ASTN2: variants seen among roughly 807,000 people sequenced by gnomAD.
ASTN2 encodes the protein astrotactin 2.
Under a neutral mutation model 139.8 loss-of-function variants are expected in ASTN2, and 54 were observed. The ratio of observed to expected loss-of-function variants is 0.39; its 90% CI spans 0.31 to 0.48. ASTN2 has a LOEUF of 0.48. Among genes scored for constraint, ASTN2 ranks in the 20% least tolerant of loss-of-function variants. ASTN2 has a pLI of 0.95. For missense variants in ASTN2, 1,565 were observed against 1,725.1 expected (o/e 0.91, Z 1.64); for synonymous variants, 756 against 719.5 (o/e 1.05, Z -0.81).
intron 10 of ASTN2, among the ~76,000 whole-genome samples, chr9:116,934,328 A>G (rs1835004208): frequency 6.6e-6 from 1 of 152,142 alleles, no homozygotes; most frequent in South Asian, 2.1e-4. Context: ...GAGCAATGCC[A>G]GCTGCAACTA....
Position 117,362,844 on chromosome 9 carries a change from G to A in ASTN2, c.442+51653C>T, listed in dbSNP as rs976439459. Among the ~76,000 whole-genome samples, 12 of 151,962 alleles carry A rather than the reference G, an allele frequency of 7.9e-5. No homozygotes were observed. In the East Asian group the frequency reaches 1.5e-3, roughly 20 times the overall value. On this transcript the variant is annotated intron_variant, in intron 1 of 22. Transcript: ENST00000313400. The stretch of plus-strand genomic sequence containing the variant: ...AAACTCTCACTCTGGCCCCACTCTC[G>A]TGCCACAGTAAAAACCCACACCAGT...
rs1832950163 is a variant in ASTN2 at position 117,233,250 on chromosome 9, C to G, written c.631-18508G>C. On this transcript the variant is annotated intron_variant, in intron 2 of 22. Coordinates refer to ENST00000313400, the MANE Select transcript of ASTN2 (RefSeq NM_001365068.1). The stretch of plus-strand genomic sequence containing the variant: ...CCAAGCGAGCATGTGTTCCTCGCTC[C>G]AAAGCAGGAAATCAAACAAAATTGC... Among the ~76,000 whole-genome samples, 2 of 152,160 alleles carry G rather than the reference C, an allele frequency of 1.3e-5. 1 individual carries two copies. Among genetic ancestry groups the G allele is most frequent in the African/African-American group, 4.8e-5 (2 of 41,426 alleles).
chr9:117,194,867 T>C (rs1328814917), intron 3 of ASTN2, among the ~76,000 whole-genome samples: 1 of 152,162 alleles, frequency 6.6e-6, no homozygotes, highest in South Asian at 2.1e-4. Context: ...GACTTGAAAA[T>C]GCTAAACAAG....
In ASTN2 at chr9:117,214,409, G is replaced by C. The variant is rs1386299430; in HGVS notation, c.964C>G (p.Leu322Val). The C allele has an allele frequency of 3.1e-6, 5 of 1,613,902 alleles. No individual in the cohort carries two copies. Among genetic ancestry groups the C allele is most frequent in the Non-Finnish European group, 4.2e-6 (5 of 1,179,758 alleles). ...TCCCCTGGATGTCCCAGACTGTCCA[G>C]AGTGTGGGTCACCTGGCTGCCAAAC... ...DEFGSQVTHT[L>V]DSLGHPGEEK... The change falls in exon 3 of 23, where the codon CTG becomes GTG. Residue 322 changes from leucine to valine, a missense_variant. By Grantham distance (32) the Leu-to-Val change is conservative. Around this residue, in one of 4 missense-constraint regions of ASTN2, gnomAD observed 596 missense variants for 576.8 expected, o/e 1.03. Transcript: ENST00000313400.
chr9:116,660,671 A>C (rs10983295), intron 16 of ASTN2, among the ~76,000 whole-genome samples: 17,480 of 152,142 alleles, frequency 0.11, 1,476 homozygotes, highest in South Asian at 0.4. Flanking sequence ...AACCTGCCTG[A>C]TGCTTTAACT....
intron 1 of ASTN2, among the ~76,000 whole-genome samples, chr9:117,369,680 G>A (rs1371335006): frequency 6.6e-6 from 1 of 152,120 alleles, no homozygotes; most frequent in Non-Finnish European, 1.5e-5. Context: ...ACCAAGCACA[G>A]TCCCTGGGAC....
At chr9:117,368,027 C>T (rs914217920) in intron 1 of ASTN2, among the ~76,000 whole-genome samples, 4 of 152,022 alleles carry the variant, frequency 2.6e-5, no homozygotes, top group African/African-American at 9.7e-5. Flanking sequence ...AATGCCAATC[C>T]CAGGTCCCAG....
chr9:116,931,252 G>T (rs1212452294), intron 10 of ASTN2, among the ~76,000 whole-genome samples: 1 of 152,062 alleles, frequency 6.6e-6, no homozygotes, highest in Non-Finnish European at 1.5e-5. Flanking sequence ...ATGCTTTCCT[G>T]CCATCGGCCT....
chr9:117,190,053 A>G (rs1341599543), intron 3 of ASTN2, among the ~76,000 whole-genome samples: 2 of 152,166 alleles, frequency 1.3e-5, no homozygotes, highest in East Asian at 3.9e-4. Context: ...TGTGAGTTCC[A>G]ATCTCTCAGG....
intron 19 of ASTN2, among the ~76,000 whole-genome samples, chr9:116,519,837 T>C (rs1454518450): frequency 6.6e-6 from 1 of 151,662 alleles, no homozygotes; most frequent in Non-Finnish European, 1.5e-5. Context: ...ACAACTGATA[T>C]CACAAAAACA....
intron 13 of ASTN2, among the ~76,000 whole-genome samples, chr9:116,801,407 C>T (rs1348028033): frequency 6.6e-6 from 1 of 151,126 alleles, no homozygotes; most frequent in East Asian, 1.9e-4. Flanking sequence ...ACAGCGAAAC[C>T]CCGTCTCTAC....
chr9:117,304,671 G>C (rs1356333819), intron 1 of ASTN2, among the ~76,000 whole-genome samples: 1 of 152,150 alleles, frequency 6.6e-6, no homozygotes, highest in African/African-American at 2.4e-5. Context: ...ATGCCTGTTC[G>C]GTGTGTTCAC....
At position 117,291,405 on chromosome 9, in the gene ASTN2, G is replaced by A. The variant is rs373462816; in HGVS notation, c.551C>T (p.Ala184Val). 6.2e-7 allele frequency: 1 copy of A among 1,614,224 alleles called. No homozygotes were observed. The highest frequency in any genetic ancestry group is 8.5e-7 in the Non-Finnish European group (1 of 1,180,028). The change falls in exon 2 of 23, where the codon GCC becomes GTC. Residue 184 changes from alanine to valine, a missense_variant. Ala to Val is a moderately conservative substitution (Grantham distance 64). Around this residue, in one of 4 missense-constraint regions of ASTN2, gnomAD observed 596 missense variants for 576.8 expected, o/e 1.03. Coordinates refer to ENST00000313400, the MANE Select transcript of ASTN2 (RefSeq NM_001365068.1). ...HVSMSSSGQL[A>V]QATAPTLQEP... ...CTGGAGAGTGGGGGCGGTGGCTTGG[G>A]CCAGCTGCCCGGAGCTGCTCATGGA...
At chr9:116,861,038 C>A (rs1333298315) in intron 11 of ASTN2, among the ~76,000 whole-genome samples, 1 of 152,072 alleles carries the variant, frequency 6.6e-6, no homozygotes, top group Admixed American at 6.6e-5. Context: ...ATCCATTGAA[C>A]CTTGAAGTAG....
At chr9:117,199,008 T>C (rs1405520270) in intron 3 of ASTN2, among the ~76,000 whole-genome samples, 1 of 152,180 alleles carries the variant, frequency 6.6e-6, no homozygotes, top group African/African-American at 2.4e-5. Context: ...TATGTTTAAC[T>C]TCCTTGTAAA....
At position 117,238,235 on chromosome 9, in the gene ASTN2, T is replaced by C. The variant is rs376643304; in HGVS notation, c.631-23493A>G. ...CTCTCCTGGCTCCCGGGGATTTCTT[T>C]AGGTCCTTTGGTTTAGCCATGGGTG... On this transcript the variant is annotated intron_variant, in intron 2 of 22. Coordinates refer to ENST00000313400, the MANE Select transcript of ASTN2 (RefSeq NM_001365068.1). Among the ~76,000 whole-genome samples, 54 of 152,270 alleles carry C rather than the reference T, an allele frequency of 3.5e-4. No individual in the cohort carries two copies. In the East Asian group the frequency reaches 7.6e-3, roughly 21 times the overall value.
intron 1 of ASTN2, among the ~76,000 whole-genome samples, chr9:117,355,008 G>C (rs943096635): frequency 6.6e-6 from 1 of 152,058 alleles, no homozygotes; most frequent in East Asian, 1.9e-4. Flanking sequence ...TAAGCTCCTT[G>C]TCCTGTTTTT....
intron 19 of ASTN2, among the ~76,000 whole-genome samples, chr9:116,557,830 A>T (rs951416493): frequency 2.6e-5 from 4 of 152,202 alleles, no homozygotes; most frequent in African/African-American, 7.2e-5. Flanking sequence ...CAAACAAATA[A>T]AACTTCATAA....
chr9:116,683,408 G>A (rs1395744298), intron 16 of ASTN2, among the ~76,000 whole-genome samples: 1 of 152,160 alleles, frequency 6.6e-6, no homozygotes, highest in Non-Finnish European at 1.5e-5. Context: ...TGCCACAGAA[G>A]TAACCAAGAT....
Sources: allele counts gnomAD v4.1 joint callset (sites outside exome capture counted in the v4.1 genomes callset), GRCh38; gene constraint gnomAD v4.1.1; regional missense constraint gnomAD v4.1.1; transcripts MANE v1.5; gene names NCBI Gene and HGNC (gene_info 2026-07-23, HGNC 2026-07-21).